Variants in RGL1 observed in about 807,000 individuals in gnomAD.
RGL1 encodes the protein ral guanine nucleotide dissociation stimulator-like 1.
RGL1 carries 24 observed loss-of-function variants against 95.2 expected under a neutral mutation model. The ratio of observed to expected loss-of-function variants is 0.25; its 90% CI spans 0.18 to 0.35. The LOEUF is 0.35. RGL1 is among the 10% of genes least tolerant of loss of function. The pLI, the probability that RGL1 is intolerant of heterozygous loss-of-function variation, is 1.00. For synonymous variants in RGL1, 329 were observed against 344.9 expected, an observed-to-expected ratio of 0.95 and a Z score of 0.51; for missense variants, 715 against 936.3, an observed-to-expected ratio of 0.76 and a Z score of 3.08.
intron 4 of RGL1, among the ~76,000 whole-genome samples, chr1:183,875,996 G>A (rs932930779): frequency 6.6e-6 from 1 of 150,832 alleles, no homozygotes; most frequent in South Asian, 2.1e-4. Context: ...CTCTTTCACC[G>A]CAGAACCTCT....
intron 2 of RGL1, among the ~76,000 whole-genome samples, chr1:183,787,854 G>C (rs929992793): frequency 6.6e-6 from 1 of 150,690 alleles, no homozygotes; most frequent in African/African-American, 2.4e-5. Context: ...GCACCTCCCC[G>C]CTGTCTCTCT....
intron 1 of RGL1, among the ~76,000 whole-genome samples, chr1:183,665,049 T>G (rs1286697509): frequency 6.6e-6 from 1 of 152,192 alleles, no homozygotes; most frequent in Non-Finnish European, 1.5e-5. Context: ...AAATTTCCTG[T>G]CTATTCCTAG....
intron 2 of RGL1, among the ~76,000 whole-genome samples, chr1:183,794,364 A>G (rs1255702816): frequency 6.6e-6 from 1 of 152,202 alleles, no homozygotes; most frequent in Non-Finnish European, 1.5e-5. Flanking sequence ...TTAGTGTTTG[A>G]TAACACAGTA....
At chr1:183,916,792 C>A in intron 16 of RGL1, 91 bp downstream of exon 16, 1 of 1,412,352 alleles carries the variant, frequency 7.1e-7, no homozygotes, top group Non-Finnish European at 9.6e-7. Flanking sequence ...CCTAAATATG[C>A]ACACTCAATA....
chr1:183,917,750 A>C (rs528903285), intron 16 of RGL1, among the ~76,000 whole-genome samples: 2 of 152,250 alleles, frequency 1.3e-5, no homozygotes, highest in Non-Finnish European at 2.9e-5. Flanking sequence ...GTGCAAAATA[A>C]TAGAGCCAAG....
intron 2 of RGL1, among the ~76,000 whole-genome samples, chr1:183,795,600 G>A (rs1384262662): frequency 6.6e-6 from 1 of 152,202 alleles, no homozygotes; most frequent in East Asian, 1.9e-4. Context: ...GAAGGAAGCT[G>A]AAGAGGCAGG....
At chr1:183,651,094 T>C (rs1377801165) in intron 1 of RGL1, among the ~76,000 whole-genome samples, 1 of 152,228 alleles carries the variant, frequency 6.6e-6, no homozygotes. Flanking sequence ...CCAATGTTAT[T>C]TTAATTGCAC....
chr1:183,802,600 CA>C (rs34038144), upstream of RGL1, among the ~76,000 whole-genome samples: 17,286 of 89,504 alleles, frequency 0.19, 664 homozygotes, highest in Middle Eastern at 0.28. Context: ...GGTGTATCAG[CA>C]AAAAAAAAAA....
intron 3 of RGL1, among the ~76,000 whole-genome samples, chr1:183,848,662 G>T (rs1033322536): frequency 5.9e-5 from 9 of 152,066 alleles, no homozygotes; most frequent in Admixed American, 2.6e-4. Context: ...ATTAAAGTTT[G>T]TTCATATTGC....
At chr1:183,872,299 A>G (rs1221434717) in intron 4 of RGL1, among the ~76,000 whole-genome samples, 1 of 152,232 alleles carries the variant, frequency 6.6e-6, no homozygotes, top group Non-Finnish European at 1.5e-5. Flanking sequence ...ATTTTATATG[A>G]GATGGCCATA....
chr1:183,778,947 C>G (rs933807950), intron 2 of RGL1, among the ~76,000 whole-genome samples: 2 of 152,138 alleles, frequency 1.3e-5, no homozygotes, highest in African/African-American at 4.8e-5. Context: ...AACCCCCTGG[C>G]AGAATTGTAC....
chr1:183,647,530 G>T, intron 1 of RGL1: 2 of 1,267,078 alleles, frequency 1.6e-6, no homozygotes, highest in Non-Finnish European at 2.1e-6. Flanking sequence ...CTTTATAATA[G>T]TTGATATGGT....
intron 3 of RGL1, among the ~76,000 whole-genome samples, chr1:183,865,694 G>A (rs1462518903): frequency 6.6e-6 from 1 of 152,138 alleles, no homozygotes; most frequent in Non-Finnish European, 1.5e-5. Context: ...TGTAATAGCC[G>A]ATTCTCCTGC....
intron 1 of RGL1, among the ~76,000 whole-genome samples, chr1:183,691,295 T>C (rs1176001706): frequency 2.0e-5 from 3 of 152,216 alleles, no homozygotes; most frequent in Non-Finnish European, 4.4e-5. Flanking sequence ...TTTGGGCCAT[T>C]GCCAACTAGA....
At chr1:183,660,241 C>T (rs960867521) in intron 1 of RGL1, among the ~76,000 whole-genome samples, 7 of 152,162 alleles carry the variant, frequency 4.6e-5, no homozygotes, top group Admixed American at 3.9e-4. Flanking sequence ...CTAAATGCTC[C>T]AATTAAAAGA....
chr1:183,687,256 C>G (rs2102099086), intron 1 of RGL1, among the ~76,000 whole-genome samples: 1 of 152,248 alleles, frequency 6.6e-6, no homozygotes, highest in South Asian at 2.1e-4. Flanking sequence ...AAGGCAGAAA[C>G]TTTTATCTTG....
In RGL1 at chr1:183,699,963, A is replaced by G. The variant is rs180722120; in HGVS notation, c.-32-42163A>G. Among the ~76,000 whole-genome samples the G allele has an allele frequency of 2.4e-3, 371 of 152,096 alleles. 6 individuals carry two copies. The highest frequency in any genetic ancestry group is 0.023 in the Admixed American group (344 of 15,278). On this transcript the variant is annotated intron_variant, in intron 1 of 18. Coordinates refer to the RGL1 transcript ENST00000304685. ...TTCTGATGTTATGTTGTGCAATGAC[A>G]CCTCATTTTGTTTGTTTTTGCTGTT... is the stretch of plus-strand genomic sequence containing the variant.
At chr1:183,664,838 G>T (rs1651921129) in intron 1 of RGL1, among the ~76,000 whole-genome samples, 1 of 151,924 alleles carries the variant, frequency 6.6e-6, no homozygotes, top group Non-Finnish European at 1.5e-5. Flanking sequence ...TGCAAACAAA[G>T]ACAGTTTTAT....
intron 1 of RGL1, among the ~76,000 whole-genome samples, chr1:183,713,428 A>G (rs1472107542): frequency 3.7e-5 from 5 of 136,112 alleles, no homozygotes; most frequent in African/African-American, 1.4e-4. Context: ...TTTATCTTAA[A>G]AATTCCAGGA....
Sources: gnomAD v4.1 joint callset for allele counts (sites outside exome capture counted in the v4.1 genomes callset) on GRCh38, gnomAD v4.1.1 for gene constraint, MANE v1.5 for transcripts, NCBI Gene and HGNC (gene_info 2026-07-23, HGNC 2026-07-21) for gene names.